The following SUGCT variants were observed in gnomAD, a reference collection of about 807,000 sequenced individuals.
SUGCT encodes the protein succinyl-CoA:glutarate-CoA transferase, also known as succinyl-CoA:glutarate CoA-transferase.
A neutral mutation model predicts 55.0 loss-of-function variants in SUGCT; 41 were observed. That is an observed-to-expected ratio of 0.74 (90% CI 0.58 to 0.97). SUGCT has a LOEUF of 0.97. Ranked by LOEUF, SUGCT falls within the 50% of genes least tolerant of loss-of-function variation. The pLI is 0.00. For missense variants in SUGCT, 568 were observed against 547.8 expected (o/e 1.04, Z -0.37); for synonymous variants, 187 against 200.4 (o/e 0.93, Z 0.56).
At chr7:40,750,506 G>T (rs910461885) in intron 13 of SUGCT, among the ~76,000 whole-genome samples, 3 of 152,134 alleles carry the variant, frequency 2.0e-5, no homozygotes, top group Non-Finnish European at 2.9e-5. Context: ...AGGTGGCATA[G>T]AGTATTTACT....
At chr7:40,639,635 C>T (rs1246278009) in intron 12 of SUGCT, among the ~76,000 whole-genome samples, 1 of 151,634 alleles carries the variant, frequency 6.6e-6, no homozygotes, top group Non-Finnish European at 1.5e-5. Flanking sequence ...CTGCCTCACC[C>T]TCCTGAGTAG....
chr7:40,943,814 C>T, the SUGCT span, among the ~76,000 whole-genome samples: 1 of 152,080 alleles, frequency 6.6e-6, no homozygotes, highest in East Asian at 1.9e-4. Context: ...ATGGCTGGGT[C>T]AAATGGTATT....
chr7:40,372,705 G>T (rs1309805823), intron 9 of SUGCT, among the ~76,000 whole-genome samples: 1 of 151,986 alleles, frequency 6.6e-6, no homozygotes, highest in Non-Finnish European at 1.5e-5. Context: ...TACATTTGTA[G>T]AAACTTTGAA....
chr7:40,934,883 T>G, the SUGCT span, among the ~76,000 whole-genome samples: 6 of 152,170 alleles, frequency 3.9e-5, no homozygotes, highest in African/African-American at 9.6e-5. Flanking sequence ...CCTGACCCCT[T>G]GTGCTTCCTG....
the SUGCT span, among the ~76,000 whole-genome samples, chr7:41,009,665 C>T: frequency 6.6e-6 from 1 of 152,096 alleles, no homozygotes; most frequent in Admixed American, 6.5e-5. Flanking sequence ...TTCCTTCCAT[C>T]CACCATCCAT....
intron 12 of SUGCT, among the ~76,000 whole-genome samples, chr7:40,548,189 T>TC (rs1326042276): frequency 9.6e-4 from 139 of 144,664 alleles, no homozygotes; most frequent in African/African-American, 2.9e-3. Context: ...TTTCTTTCTT[T>TC]TTTTTTTTTT....
chr7:40,964,350 A>T, the SUGCT span, among the ~76,000 whole-genome samples: 1 of 152,224 alleles, frequency 6.6e-6, no homozygotes, highest in Non-Finnish European at 1.5e-5. Flanking sequence ...TCTTATTTGC[A>T]TGCATCATAA....
In SUGCT at chr7:40,657,595, C is replaced by T. The variant is rs576468798; in HGVS notation, c.1090-91839C>T. 2.0e-4 allele frequency among the ~76,000 whole-genome samples: 31 copies of T among 152,020 alleles called. No individual in the cohort carries two copies. The South Asian group carries it at 2.3e-3, about 11-fold the overall frequency. On this transcript the variant is annotated intron_variant, in intron 12 of 13. Coordinates refer to ENST00000335693, the MANE Select transcript of SUGCT (RefSeq NM_001193313.2). ...TGTCGCCCGGGCTGGGGTGCAATGG[C>T]GCAGTCTCGGCTCACTGCAACCTCT...
At chr7:40,975,016 G>A in the SUGCT span, among the ~76,000 whole-genome samples, 110 of 152,142 alleles carry the variant, frequency 7.2e-4, no homozygotes, top group African/African-American at 2.2e-3. Flanking sequence ...CGCAGTAGGT[G>A]GTCAATAAAC....
intron 11 of SUGCT, among the ~76,000 whole-genome samples, chr7:40,465,714 T>C (rs1790067737): frequency 6.6e-6 from 1 of 152,186 alleles, no homozygotes; most frequent in Non-Finnish European, 1.5e-5. Context: ...ACTGGAGAAT[T>C]GGACCTGGAA....
chr7:40,270,795 G>A (rs1310823034), intron 7 of SUGCT, among the ~76,000 whole-genome samples: 1 of 152,088 alleles, frequency 6.6e-6, no homozygotes, highest in Non-Finnish European at 1.5e-5. Context: ...GGGAAGCATT[G>A]CCATATTAAC....
chr7:40,407,364 G>C (rs987793162), intron 9 of SUGCT, among the ~76,000 whole-genome samples: 5 of 151,720 alleles, frequency 3.3e-5, no homozygotes, highest in African/African-American at 1.2e-4. Flanking sequence ...AACAATGAAA[G>C]TTAGCATTTG....
intron 12 of SUGCT, among the ~76,000 whole-genome samples, chr7:40,744,046 C>T (rs907890615): frequency 2.6e-5 from 4 of 151,986 alleles, no homozygotes; most frequent in Admixed American, 6.6e-5. Context: ...CTCAGCCTCC[C>T]GAGTAGCTGA....
At chr7:40,238,370 G>C (rs1238612858) in intron 7 of SUGCT, among the ~76,000 whole-genome samples, 1 of 151,484 alleles carries the variant, frequency 6.6e-6, no homozygotes, top group East Asian at 1.9e-4. Flanking sequence ...GCCAAAATGT[G>C]GTTGGTTAGA....
intron 12 of SUGCT, among the ~76,000 whole-genome samples, chr7:40,544,759 TTAG>T (rs1011698167): frequency 2.0e-5 from 3 of 152,064 alleles, no homozygotes; most frequent in Non-Finnish European, 4.4e-5. Flanking sequence ...GGAAATCAGT[TTAG>T]TATACTGTTA....
At chr7:40,231,231 G>T (rs1201834350) in intron 6 of SUGCT, among the ~76,000 whole-genome samples, 1 of 152,170 alleles carries the variant, frequency 6.6e-6, no homozygotes, top group Non-Finnish European at 1.5e-5. Context: ...ATAGCCGGTT[G>T]TAACAAGTGT....
intron 13 of SUGCT, among the ~76,000 whole-genome samples, chr7:40,821,576 T>A (rs1792016098): frequency 6.6e-6 from 1 of 152,220 alleles, no homozygotes; most frequent in Non-Finnish European, 1.5e-5. Context: ...TATTCTTTGA[T>A]GGTAATTTGT....
intron 12 of SUGCT, among the ~76,000 whole-genome samples, chr7:40,627,700 A>G (rs1799587767): frequency 6.6e-6 from 1 of 152,226 alleles, no homozygotes; most frequent in Admixed American, 6.5e-5. Context: ...GGGGGTTTGC[A>G]AAGGGAGTAG....
chr7:40,826,751 T>C (rs1792331984), intron 13 of SUGCT, among the ~76,000 whole-genome samples: 1 of 152,216 alleles, frequency 6.6e-6, no homozygotes, highest in South Asian at 2.1e-4. Context: ...CCCAGGTTTC[T>C]AGAGAGTTTG....
Sources: gnomAD v4.1 joint callset for allele counts (sites outside exome capture counted in the v4.1 genomes callset) on GRCh38, gnomAD v4.1.1 for gene constraint, MANE v1.5 for transcripts, NCBI Gene and HGNC (gene_info 2026-07-23, HGNC 2026-07-21) for gene names.